INTS7: variants seen among roughly 807,000 people sequenced by gnomAD.
INTS7 encodes the protein integrator complex subunit 7, also known as chromosome 1 open reading frame 73.
A neutral mutation model predicts 109.2 loss-of-function variants in INTS7; 46 were observed. The observed-to-expected ratio is 0.42, with a 90% CI of 0.33 to 0.54. The LOEUF is 0.54. INTS7 is among the 20% of genes least tolerant of loss of function. INTS7 has a pLI of 0.07. For synonymous variants in INTS7, 412 were observed against 402.9 expected (o/e 1.02, Z -0.27); for missense variants, 929 against 1,132.4 (o/e 0.82, Z 2.58).
intron 19 of INTS7, among the ~76,000 whole-genome samples, chr1:211,943,082 A>G (rs17018256): frequency 0.02 from 3,112 of 152,228 alleles, 115 homozygotes; most frequent in African/African-American, 0.07. Context: ...TAGTACAGGT[A>G]CTTTTTCACA....
At position 211,946,053 on chromosome 1, in the gene INTS7, C is replaced by T. The variant is rs190518205; in HGVS notation, c.2415+554G>A. On this transcript the variant is annotated intron_variant, in intron 18 of 19. Transcript: ENST00000366994. The surrounding 1 kb of genome is among the most constrained non-coding windows in gnomAD (Gnocchi z 4.3). ...TGGAGGTGAGAGACAAACAACAGAG[C>T]TCCAGTTACCCAAATGCCTGTCTCA... Among the ~76,000 whole-genome samples, 2 of 152,316 alleles carry T rather than the reference C, an allele frequency of 1.3e-5. No homozygotes were observed. The highest frequency in any genetic ancestry group is 3.9e-4 in the East Asian group (2 of 5,186).
At chr1:212,005,682 T>C (rs996889895) in intron 7 of INTS7, among the ~76,000 whole-genome samples, 1 of 152,156 alleles carries the variant, frequency 6.6e-6, no homozygotes, top group Non-Finnish European at 1.5e-5. Context: ...CTTGGAAAGA[T>C]AGCATTATTT....
At chr1:212,033,226 C>T (rs1015904385) in intron 1 of INTS7, among the ~76,000 whole-genome samples, 2 of 152,162 alleles carry the variant, frequency 1.3e-5, no homozygotes, top group African/African-American at 4.8e-5. Context: ...AGCCTTCTGA[C>T]CTTTAGCTCA....
At chr1:212,030,826 CCAA>C (rs1667129375) in intron 1 of INTS7, 2 of 152,200 alleles carry the variant, frequency 1.3e-5, no homozygotes, top group South Asian at 2.1e-4. Context: ...TACTGAAACA[CCAA>C]CAACATCTGA....
chr1:211,976,283 C>T (rs1237646169), intron 12 of INTS7, among the ~76,000 whole-genome samples: 1 of 152,054 alleles, frequency 6.6e-6, no homozygotes, highest in Non-Finnish European at 1.5e-5. Flanking sequence ...ATAGAAACAG[C>T]GGGTGGTAGG....
intron 7 of INTS7, among the ~76,000 whole-genome samples, chr1:211,997,314 G>A (rs987688267): frequency 7.9e-5 from 12 of 151,864 alleles, no homozygotes; most frequent in Non-Finnish European, 1.0e-4. Flanking sequence ...AGAGGCTGAC[G>A]TGGGCAAATC....
At chr1:211,956,517 A>T (rs909626385) in intron 16 of INTS7, among the ~76,000 whole-genome samples, 4 of 152,146 alleles carry the variant, frequency 2.6e-5, no homozygotes, top group African/African-American at 9.7e-5. Context: ...CACCTAAGCA[A>T]ATTTCTTTGC....
At chr1:211,994,087 A>G (rs1429267318) in intron 7 of INTS7, among the ~76,000 whole-genome samples, 1 of 152,212 alleles carries the variant, frequency 6.6e-6, no homozygotes, top group African/African-American at 2.4e-5. Context: ...GGCAGAAAGT[A>G]ACAAAAGAAG....
chr1:211,978,653 G>C (rs1664526417), intron 10 of INTS7, 142 bp from the exon 11 acceptor site: 2 of 854,646 alleles, frequency 2.3e-6, no homozygotes, highest in South Asian at 1.8e-5. Context: ...TAAGAAATAT[G>C]AGGTACTGAA....
intron 7 of INTS7, among the ~76,000 whole-genome samples, chr1:212,000,693 C>G (rs778009815): frequency 1.1e-4 from 17 of 152,202 alleles, no homozygotes; most frequent in African/African-American, 4.1e-4. Context: ...AAACCTTTCT[C>G]TTTGCCTCCT....
At chr1:212,005,507 CTATT>C (rs936357573) in intron 7 of INTS7, among the ~76,000 whole-genome samples, 10 of 152,186 alleles carry the variant, frequency 6.6e-5, no homozygotes, top group African/African-American at 2.4e-4. Context: ...GGTATTTAAA[CTATT>C]TATATATTTT....
intron 13 of INTS7, among the ~76,000 whole-genome samples, chr1:211,974,274 A>ATATATATATATAT (rs1553249475): frequency 6.0e-4 from 48 of 79,512 alleles, no homozygotes; most frequent in African/African-American, 1.4e-3. Context: ...CCAGAAAAAA[A>ATATATATATATAT]AAATATATAT....
intron 11 of INTS7, 27 bp from the exon 12 acceptor site, chr1:211,976,746 G>T (rs978336883): frequency 6.2e-7 from 1 of 1,611,940 alleles, no homozygotes; most frequent in African/African-American, 1.3e-5. Flanking sequence ...AGAAAACCAA[G>T]AAAATCATTT....
At chr1:211,991,032 G>T (rs1277638029) in intron 7 of INTS7, among the ~76,000 whole-genome samples, 1 of 152,172 alleles carries the variant, frequency 6.6e-6, no homozygotes, top group Non-Finnish European at 1.5e-5. Context: ...CTAGAACTTG[G>T]TAGCAGGAAT....
chr1:212,011,502 T>C (rs1452491367), intron 4 of INTS7, 81 bp from the exon 5 acceptor site: 4 of 878,194 alleles, frequency 4.6e-6, no homozygotes, highest in Non-Finnish European at 7.4e-6. Flanking sequence ...TAAAACACAA[T>C]TAGCGCAGAA....
At chr1:211,945,949 G>A (rs1662827788) in intron 18 of INTS7, among the ~76,000 whole-genome samples, 1 of 152,208 alleles carries the variant, frequency 6.6e-6, no homozygotes, top group African/African-American at 2.4e-5. Flanking sequence ...TTCATTCTAA[G>A]TTGGGTCTAT....
At chr1:211,970,822 A>G (rs1251461161) in intron 13 of INTS7, among the ~76,000 whole-genome samples, 1 of 152,250 alleles carries the variant, frequency 6.6e-6, no homozygotes, top group Non-Finnish European at 1.5e-5. Flanking sequence ...TTAAATCTGT[A>G]AAGCCACTGG....
Sources: gnomAD v4.1 joint callset for allele counts (sites outside exome capture counted in the v4.1 genomes callset) on GRCh38, gnomAD v4.1.1 for gene constraint, Gnocchi (gnomAD v3.1) non-coding constraint, MANE v1.5 for transcripts, NCBI Gene and HGNC (gene_info 2026-07-23, HGNC 2026-07-21) for gene names.